Variants in DACH2 observed in about 807,000 individuals in gnomAD.
DACH2 encodes the protein dachshund family transcription factor 2, also known as dachshund homolog 2.
In DACH2, 17 loss-of-function variants were observed where a neutral mutation model predicts 35.8. That is an observed-to-expected ratio of 0.48 (90% CI 0.33 to 0.71). The LOEUF (loss-of-function observed/expected upper bound fraction) is 0.71, where lower values mean the gene tolerates loss of function less well. Ranked by LOEUF, DACH2 falls within the 30% of genes least tolerant of loss-of-function variation. The pLI is 0.02. For missense variants in DACH2, 469 were observed against 472.7 expected (o/e 0.99, Z 0.07); for synonymous variants, 195 against 177.3 (o/e 1.10, Z -0.79).
intron 1 of DACH2, among the ~76,000 whole-genome samples, chrX:86,295,807 G>A (rs1045187754): frequency 9.1e-6 from 1 of 110,049 alleles, no homozygotes. Flanking sequence ...GGGGATTTGG[G>A]AGGGGTGGCA....
chrX:86,444,796 C>A (rs2037231176), intron 2 of DACH2, among the ~76,000 whole-genome samples: 3 of 109,234 alleles, frequency 2.7e-5, no homozygotes, highest in Non-Finnish European at 3.8e-5. Context: ...TTTTTTAATT[C>A]TTTTTCTAAT....
At chrX:86,697,834 G>A (rs780031403) in intron 5 of DACH2, among the ~76,000 whole-genome samples, 3 of 111,282 alleles carry the variant, frequency 2.7e-5, no homozygotes, top group African/African-American at 6.5e-5. Flanking sequence ...AAAGAGAAAC[G>A]TTGACTGAAA....
chrX:86,744,277 C>T (rs1014400301), intron 7 of DACH2, among the ~76,000 whole-genome samples: 7 of 111,017 alleles, frequency 6.3e-5, no homozygotes, highest in Non-Finnish European at 3.8e-5. Flanking sequence ...TATTAAACTG[C>T]ACCCCAGTTA....
At chrX:86,461,239 T>C (rs973787313) in intron 2 of DACH2, among the ~76,000 whole-genome samples, 1 of 111,616 alleles carries the variant, frequency 9.0e-6, no homozygotes, top group African/African-American at 3.2e-5. Flanking sequence ...ATACAAGAAT[T>C]CAAGTGTTTG....
chrX:86,636,157 G>T (rs896909581), intron 3 of DACH2, among the ~76,000 whole-genome samples: 1 of 111,180 alleles, frequency 9.0e-6, no homozygotes, highest in Non-Finnish European at 1.9e-5. Context: ...AACCAAAACA[G>T]CATGCTAGGC....
chrX:86,232,764 A>T (rs147529648), intron 1 of DACH2, among the ~76,000 whole-genome samples: 1 of 112,274 alleles, frequency 8.9e-6, no homozygotes, highest in Non-Finnish European at 1.9e-5. Flanking sequence ...GAGTTCAAGT[A>T]TTGTGGAAAG....
chrX:86,303,404 A>G (rs1164774693), intron 1 of DACH2, among the ~76,000 whole-genome samples: 3 of 110,283 alleles, frequency 2.7e-5, no homozygotes. Flanking sequence ...GTGAGGTTAA[A>G]CAAAAAGCAA....
chrX:86,644,473 C>G (rs1351163163), intron 3 of DACH2, among the ~76,000 whole-genome samples: 1 of 110,706 alleles, frequency 9.0e-6, no homozygotes, highest in African/African-American at 3.3e-5. Context: ...GAAGAATCAA[C>G]TAATTAAAAT....
chrX:86,203,867 T>A (rs914831548), intron 1 of DACH2, among the ~76,000 whole-genome samples: 1 of 111,063 alleles, frequency 9.0e-6, no homozygotes, highest in African/African-American at 3.3e-5. Flanking sequence ...AAAACAGAAG[T>A]AGGTGTCTAC....
chrX:86,445,141 T>G (rs1412234509), intron 2 of DACH2, among the ~76,000 whole-genome samples: 1 of 110,695 alleles, frequency 9.0e-6, no homozygotes, highest in Non-Finnish European at 1.9e-5. Flanking sequence ...TTCCTTTTTT[T>G]GAAGCAATTG....
At chrX:86,719,747 A>G (rs1272384132) in intron 6 of DACH2, among the ~76,000 whole-genome samples, 1 of 109,050 alleles carries the variant, frequency 9.2e-6, no homozygotes, top group Non-Finnish European at 1.9e-5. Flanking sequence ...CCATGATTCA[A>G]TTACCTCTAC....
chrX:86,296,380 CAAAAAAAAAAAAAAAAA>C (rs61713614), intron 1 of DACH2, among the ~76,000 whole-genome samples: 3 of 68,457 alleles, frequency 4.4e-5, no homozygotes, highest in African/African-American at 5.1e-5. Context: ...GACTCCATCT[CAAAAAAAAAAAAAAAAA>C]AAAAAAAAAA....
At chrX:86,213,728 A>C (rs984972406) in intron 1 of DACH2, among the ~76,000 whole-genome samples, 5 of 110,511 alleles carry the variant, frequency 4.5e-5, no homozygotes, top group Non-Finnish European at 9.5e-5. Context: ...CATGACTTAA[A>C]TTACCACCTC....
rs191684179 is a variant in DACH2, at chrX:86,634,684, T to C, written c.641-16352T>C. Among the ~76,000 whole-genome samples, 5 of 111,425 alleles carry C rather than the reference T, an allele frequency of 4.5e-5. No homozygotes were observed. The East Asian group carries it at 1.1e-3, about 25-fold the overall frequency. The stretch of plus-strand genomic sequence containing the variant: ...CAAGCTGAGAACCAAATTAATCCCA[T>C]TTATAATAGCTACAAAAATTAAAAT... On this transcript the variant is annotated intron_variant, in intron 3 of 11. Transcript: ENST00000373125.
At chrX:86,459,662 C>T (rs770034311) in intron 2 of DACH2, among the ~76,000 whole-genome samples, 2 of 111,272 alleles carry the variant, frequency 1.8e-5, no homozygotes, top group South Asian at 3.7e-4. Flanking sequence ...GGATGAGAGG[C>T]CTGTAACTTT....
intron 11 of DACH2, chrX:86,827,659 A>C (rs1252437601): frequency 3.1e-6 from 2 of 643,304 alleles, no homozygotes; most frequent in African/African-American, 4.4e-5. Context: ...GCACAGCGAA[A>C]TACTATAAAG....
intron 1 of DACH2, among the ~76,000 whole-genome samples, chrX:86,268,771 C>A (rs112775938): frequency 9.1e-6 from 1 of 110,023 alleles, no homozygotes; most frequent in Non-Finnish European, 1.9e-5. Flanking sequence ...TGACCTCAAG[C>A]GATCTGCTTG....
chrX:86,409,318 T>C (rs2036573603), intron 2 of DACH2, among the ~76,000 whole-genome samples: 2 of 111,424 alleles, frequency 1.8e-5, no homozygotes, highest in Admixed American at 9.6e-5. Context: ...TAATATGGCA[T>C]AGTGGCACTT....
At chrX:86,547,524 A>AAC (rs751559427) in intron 3 of DACH2, among the ~76,000 whole-genome samples, 5,081 of 90,728 alleles carry the variant, frequency 0.056, 157 homozygotes, top group Admixed American at 0.1. Context: ...CGTGCTGCAG[A>AAC]ACACACACAC....
Sources: gnomAD v4.1 joint callset for allele counts (sites outside exome capture counted in the v4.1 genomes callset) on GRCh38, gnomAD v4.1.1 for gene constraint, MANE v1.5 for transcripts, NCBI Gene and HGNC (gene_info 2026-07-23, HGNC 2026-07-21) for gene names.